Variants in AMER1 observed in about 807,000 individuals in gnomAD.
AMER1 encodes RP11-403E24.2.
Under a neutral mutation model 53.0 loss-of-function variants are expected in AMER1, and 16 were observed. The observed-to-expected ratio is 0.30, with a 90% confidence interval of 0.20 to 0.46. AMER1 has a LOEUF of 0.46. Among genes scored for constraint, AMER1 ranks in the 20% least tolerant of loss-of-function variants. The probability of loss-of-function intolerance (pLI) is 1.00; values close to 1 mark genes in which losing one functional copy is unlikely to be tolerated. For synonymous variants in AMER1, 354 were observed against 331.9 expected, an observed-to-expected ratio of 1.07 and a Z score of -0.73; for missense variants, 947 against 884.9, an observed-to-expected ratio of 1.07 and a Z score of -0.89.
In AMER1 at chrX:64,189,680, A is replaced by G. The variant is rs1930195996; in HGVS notation, c.*199T>C. 9.3e-7 allele frequency: 1 copy of G among 1,074,530 alleles called. No homozygotes were observed. Among genetic ancestry groups the G allele is most frequent in the Non-Finnish European group, 1.2e-6 (1 of 833,824 alleles). The allele number at this position is 1,074,530 out of a possible 1,213,427, so 88.6% of individuals were successfully genotyped here. On this transcript the variant is annotated 3_prime_UTR_variant, in exon 2 of 2. Transcript: ENST00000374869. The stretch of plus-strand genomic sequence containing the variant: ...AGTAGCAGCAGCAGCCTCCCTGGGC[A>G]GATGCACTTGAGTTGAACGTGGCCA...
At chrX:64,201,322 C>A in intron 1 of AMER1, among the ~76,000 whole-genome samples, 1 of 110,911 alleles carries the variant, frequency 9.0e-6, no homozygotes, top group Non-Finnish European at 1.9e-5. Flanking sequence ...AGATGGAAGA[C>A]TCTGAGATTA....
At position 64,185,663 on chromosome X, in the gene AMER1, A is replaced by T; in HGVS notation, c.*4216T>A. 1 of 178,465 alleles carries T rather than the reference A, an allele frequency of 5.6e-6. No individual in the cohort carries two copies. Among genetic ancestry groups the T allele is most frequent in the South Asian group, 2.5e-4 (1 of 3,979 alleles). The allele number at this position is 178,465 out of a possible 1,213,427, so 14.7% of individuals were successfully genotyped here. A position where few individuals can be genotyped will look rare whatever the true frequency, so the allele number is the denominator to read the frequency against. On this transcript the variant is annotated 3_prime_UTR_variant, in exon 2 of 2. Transcript: ENST00000374869. ...AAAGTACCATCCACGTGTGAGCTGGAGCAGGGCAGGGGAGGGGGAATGGTG... is the reference window on the plus strand; with the variant it reads ...AAAGTACCATCCACGTGTGAGCTGGTGCAGGGCAGGGGAGGGGGAATGGTG...
chrX:64,187,115 TCTGTGTTTGGAAACAGGC>T lies in AMER1; in HGVS notation c.*2746_*2763del, dbSNP rs1930125923. 1 of 784,536 alleles carries T rather than the reference TCTGTGTTTGGAAACAGGC, an allele frequency of 1.3e-6. No homozygotes were observed. Among genetic ancestry groups the T allele is most frequent in the Admixed American group, 8.1e-5 (1 of 12,319 alleles). 64.7% of individuals were successfully genotyped at this position (784,536 alleles called of 1,213,427 possible). Reference sequence around the variant, plus strand: ...TTGCTGCCACCCAAGCCAGCACTAGTCTGTGTTTGGAAACAGGCCTGAAGCTTGGCTGGCTCTCCCAAT... The same window carrying T: ...TTGCTGCCACCCAAGCCAGCACTAGTCTGAAGCTTGGCTGGCTCTCCCAAT... On this transcript the variant is annotated 3_prime_UTR_variant, in exon 2 of 2. Transcript: ENST00000374869.
chrX:64,197,852 G>C (rs752292451), intron 1 of AMER1, among the ~76,000 whole-genome samples: 1 of 112,693 alleles, frequency 8.9e-6, no homozygotes, highest in African/African-American at 3.2e-5. Flanking sequence ...CATTGAGAGT[G>C]CCTACCTCTT....
rs1930299453 is a variant in AMER1, at chrX:64,193,277, G to A, written c.10C>T (p.Gln4Ter). Reference sequence around the variant, plus strand: ...TTGGCCTGAGCAGCTTCATCCTTTTGGGTCTCCATGATGATGGGGACAACT... The same window carrying A: ...TTGGCCTGAGCAGCTTCATCCTTTTAGGTCTCCATGATGATGGGGACAACT... The part of the protein sequence containing the change: MET[Q>*]KDEAAQAKGA... The change falls in exon 2 of 2, where the codon CAA becomes TAA. Residue 4 changes from glutamine to a stop codon, truncating the protein, a stop_gained. Coordinates refer to ENST00000374869, the MANE Select transcript of AMER1 (RefSeq NM_152424.4). LOFTEE classifies it high-confidence loss of function. The A allele has an allele frequency of 8.3e-7, 1 of 1,209,512 alleles. No individual in the cohort carries two copies. The highest frequency in any genetic ancestry group is 1.8e-5 in the African/African-American group (1 of 56,935).
At chrX:64,198,764 C>A (rs1365778630) in intron 1 of AMER1, among the ~76,000 whole-genome samples, 1 of 111,320 alleles carries the variant, frequency 9.0e-6, no homozygotes, top group Admixed American at 9.6e-5. Context: ...ACAACCCAGC[C>A]TGTGGCTGCT....
chrX:64,187,367 G>A lies in AMER1; in HGVS notation c.*2512C>T, dbSNP rs1449697108. On this transcript the variant is annotated 3_prime_UTR_variant, in exon 2 of 2. Transcript: ENST00000374869. ...AGTGAAGGGACTTGCAGGCAGCAAG[G>A]CTGTCCAAACCATGAACTCTCACTC... is the stretch of plus-strand genomic sequence containing the variant. 1 of 791,815 alleles carries A rather than the reference G, an allele frequency of 1.3e-6. No individual in the cohort carries two copies. Among genetic ancestry groups the A allele is most frequent in the Non-Finnish European group, 1.5e-6 (1 of 662,544 alleles). The allele number at this position is 791,815 out of a possible 1,213,427, so 65.3% of individuals were successfully genotyped here.
At chrX:64,203,624 A>G (rs1173596635) in intron 1 of AMER1, among the ~76,000 whole-genome samples, 1 of 111,740 alleles carries the variant, frequency 8.9e-6, no homozygotes, top group Non-Finnish European at 1.9e-5. Context: ...CTGAGAAGAA[A>G]GAAGTCACCA....
At chrX:64,198,362 C>A (rs926667492) in intron 1 of AMER1, among the ~76,000 whole-genome samples, 2 of 111,711 alleles carry the variant, frequency 1.8e-5, no homozygotes, top group African/African-American at 6.5e-5. Context: ...CCCCCATTTG[C>A]CCTCCTCAGC....
Position 64,189,660 on chromosome X carries a change from C to T in AMER1, c.*219G>A. The T allele has an allele frequency of 1.2e-5, 12 of 1,038,202 alleles. No homozygotes were observed. Among genetic ancestry groups the T allele is most frequent in the African/African-American group, 3.9e-5 (2 of 51,510 alleles). 85.6% of individuals were successfully genotyped at this position (1,038,202 alleles called of 1,213,427 possible). On this transcript the variant is annotated 3_prime_UTR_variant, in exon 2 of 2. Coordinates refer to ENST00000374869, the MANE Select transcript of AMER1 (RefSeq NM_152424.4). ...GAAAGCAAAAACTGGAGTGCAGTAG[C>T]AGCAGCAGCCTCCCTGGGCAGATGC...
intron 1 of AMER1, among the ~76,000 whole-genome samples, chrX:64,200,169 C>T (rs1930456149): frequency 8.9e-6 from 1 of 112,583 alleles, no homozygotes; most frequent in Non-Finnish European, 1.9e-5. Flanking sequence ...GGTACCATGC[C>T]CGCCTGCATA....
chrX:64,190,399 G>A lies in AMER1; in HGVS notation c.2888C>T (p.Pro963Leu), dbSNP rs1254194219. 1 of 1,211,762 alleles carries A rather than the reference G, an allele frequency of 8.3e-7. No homozygotes were observed. Among genetic ancestry groups the A allele is most frequent in the Non-Finnish European group, 1.1e-6 (1 of 895,360 alleles). Residue 963 changes from proline (P) to leucine (L), a missense_variant, in exon 2 of 2, where the codon CCC (proline) becomes CTC (leucine). By Grantham distance (98) the Pro-to-Leu change is moderately conservative. Transcript: ENST00000374869. ...PGAYDWPAWA[P>L]CPLPVGPGPA... ...ACCTGGCCCCACTGGAAGAGGACAG[G>A]GAGCCCAAGCAGGCCAATCATAGGC... is the stretch of plus-strand genomic sequence containing the variant.
At position 64,185,171 on chromosome X, in the gene AMER1, T is replaced by C. The variant is rs1930078643; in HGVS notation, c.*4708A>G. The C allele has an allele frequency of 6.6e-6, 1 of 152,321 alleles. No homozygotes were observed. Among genetic ancestry groups the C allele is most frequent in the Non-Finnish European group, 1.3e-5 (1 of 77,491 alleles). The allele number at this position is 152,321 out of a possible 1,213,427, so 12.6% of individuals were successfully genotyped here. On this transcript the variant is annotated 3_prime_UTR_variant, in exon 2 of 2. Coordinates refer to ENST00000374869, the MANE Select transcript of AMER1 (RefSeq NM_152424.4). ...AGTTTATTAGCATTCAGCAAAGAAG[T>C]ATATGTTGTTACAAACAGGCAGTGC...
At position 64,191,295 on chromosome X, in the gene AMER1, C is replaced by T. The variant is rs1465193477; in HGVS notation, c.1992G>A (p.Met664Ile). The change falls in exon 2 of 2, where the codon ATG (methionine) becomes ATA (isoleucine). Residue 664 changes from methionine (M) to isoleucine (I), a missense_variant. Transcript: ENST00000374869. ...YQMRPLGPSV[M>I]GLAAGVSGTS... ...TCCCTGATACCCCTGCTGCCAGGCC[C>T]ATCACTGATGGGCCTAAGGGCCTCA... is the stretch of plus-strand genomic sequence containing the variant. 6.6e-6 allele frequency: 8 copies of T among 1,209,882 alleles called. No individual in the cohort carries two copies. Among genetic ancestry groups the T allele is most frequent in the South Asian group, 1.8e-5 (1 of 56,751 alleles).
At chrX:64,197,973 A>T (rs751929558) in intron 1 of AMER1, among the ~76,000 whole-genome samples, 22 of 112,652 alleles carry the variant, frequency 2.0e-4, no homozygotes, top group Non-Finnish European at 3.9e-4. Flanking sequence ...ATTTTATTCA[A>T]ACTGTGGTAG....
At position 64,188,559 on chromosome X, in the gene AMER1, G is replaced by A; in HGVS notation, c.*1320C>T. On this transcript the variant is annotated 3_prime_UTR_variant, in exon 2 of 2. Transcript: ENST00000374869. ...TTGGAAGATAAAAGCTCTTTAAAGG[G>A]CCCAGAACAGCAGCTGAGATGCCTT... 3.7e-6 allele frequency: 3 copies of A among 803,813 alleles called. No individual in the cohort carries two copies. Among genetic ancestry groups the A allele is most frequent in the Admixed American group, 7.5e-5 (1 of 13,248 alleles). 66.2% of individuals were successfully genotyped at this position (803,813 alleles called of 1,213,427 possible). A position where few individuals can be genotyped will look rare whatever the true frequency, so the allele number is the denominator to read the frequency against.
rs1930301855 is a variant in AMER1 at position 64,193,377 on chromosome X, A to G, written c.-91T>C. ...AACATTATCAGTCAGGAAGCATCAC[A>G]GTGGGGTCTGGAGGAGATAGGAGAG... On this transcript the variant is annotated 5_prime_UTR_variant, in exon 2 of 2. Coordinates refer to ENST00000374869, the MANE Select transcript of AMER1 (RefSeq NM_152424.4). The G allele has an allele frequency of 3.4e-6, 4 of 1,163,434 alleles. No individual in the cohort carries two copies. Among genetic ancestry groups the G allele is most frequent in the South Asian group, 3.6e-5 (2 of 54,933 alleles).
chrX:64,203,307 T>G (rs1216915709), intron 1 of AMER1, among the ~76,000 whole-genome samples: 1 of 111,591 alleles, frequency 9.0e-6, no homozygotes, highest in Non-Finnish European at 1.9e-5. Flanking sequence ...GAGCCTTGAG[T>G]ATCATTTCTC....
In AMER1 at chrX:64,185,693, G is replaced by C; in HGVS notation, c.*4186C>G. The C allele has an allele frequency of 5.6e-6, 1 of 179,743 alleles. No homozygotes were observed. The highest frequency in any genetic ancestry group is 7.3e-5 in the Admixed American group (1 of 13,625). The allele number at this position is 179,743 out of a possible 1,213,427, so 14.8% of individuals were successfully genotyped here. A position where few individuals can be genotyped will look rare whatever the true frequency, so the allele number is the denominator to read the frequency against. On this transcript the variant is annotated 3_prime_UTR_variant, in exon 2 of 2. Transcript: ENST00000374869. ...GGCAGGGGAGGGGGAATGGTGGTAG[G>C]GGAGGAGATTCCCCCAAAGCAGCAA...
Sources: gnomAD v4.1 joint callset for allele counts (sites outside exome capture counted in the v4.1 genomes callset) on GRCh38, gnomAD v4.1.1 for gene constraint, MANE v1.5 for transcripts, NCBI Gene and HGNC (gene_info 2026-07-23, HGNC 2026-07-21) for gene names.